UNC5D: variants seen among roughly 807,000 people sequenced by gnomAD.
UNC5D encodes unc-5 netrin receptor D.
A neutral mutation model predicts 105.4 loss-of-function variants in UNC5D; 39 were observed. The ratio of observed to expected loss-of-function variants is 0.37; its 90% CI spans 0.29 to 0.48. UNC5D has a LOEUF of 0.48. Among genes scored for constraint, UNC5D ranks in the 20% least tolerant of loss-of-function variants. UNC5D has a pLI of 0.98. For missense variants in UNC5D, 991 were observed against 1,202.4 expected, an observed-to-expected ratio of 0.82 and a Z score of 2.60; for synonymous variants, 452 against 450.4, an observed-to-expected ratio of 1.00 and a Z score of -0.04.
intron 16 of UNC5D, among the ~76,000 whole-genome samples, chr8:35,781,911 G>C (rs972717155): frequency 6.6e-6 from 1 of 152,166 alleles, no homozygotes; most frequent in Non-Finnish European, 1.5e-5. Flanking sequence ...TAGGTAAAAG[G>C]ATAATGATGA....
At chr8:35,355,794 G>C (rs1303496598) in intron 1 of UNC5D, among the ~76,000 whole-genome samples, 1 of 152,092 alleles carries the variant, frequency 6.6e-6, no homozygotes, top group African/African-American at 2.4e-5. Flanking sequence ...TAAAAGGGCT[G>C]GATGGAACTA....
intron 1 of UNC5D, among the ~76,000 whole-genome samples, chr8:35,519,549 C>T (rs1813323102): frequency 6.6e-6 from 1 of 151,930 alleles, no homozygotes; most frequent in Non-Finnish European, 1.5e-5. Context: ...ATTAAGAGCA[C>T]AGGGTGGGGG....
At chr8:35,743,280 A>T (rs953956152) in intron 11 of UNC5D, among the ~76,000 whole-genome samples, 1 of 151,520 alleles carries the variant, frequency 6.6e-6, no homozygotes, top group African/African-American at 2.4e-5. Flanking sequence ...TTATTTATTT[A>T]TTTTTTTGAG....
chr8:35,748,144 G>A (rs1830093231), intron 11 of UNC5D, among the ~76,000 whole-genome samples: 1 of 152,204 alleles, frequency 6.6e-6, no homozygotes, highest in South Asian at 2.1e-4. Context: ...GTAATGAGAT[G>A]ACCAGACCAG....
rs941080067 is a variant in UNC5D at position 35,528,450 on chromosome 8, T to A, written c.104-20842T>A. On this transcript the variant is annotated intron_variant, in intron 1 of 16. Coordinates refer to ENST00000404895, the MANE Select transcript of UNC5D (RefSeq NM_080872.4). ...TTTTCTTAATCCAGTCTATCATTGT[T>A]GGACATTTGGGTTGGTTCCAAGTCT... Among the ~76,000 whole-genome samples, 36 of 148,908 alleles carry A rather than the reference T, an allele frequency of 2.4e-4. 1 individual carries two copies. The highest frequency in any genetic ancestry group is 9.0e-4 in the African/African-American group (36 of 40,100).
chr8:35,424,491 T>A (rs1238411301), intron 1 of UNC5D, among the ~76,000 whole-genome samples: 11 of 152,218 alleles, frequency 7.2e-5, no homozygotes, highest in South Asian at 2.1e-4. Flanking sequence ...ACAAAGCAGA[T>A]CCAGGCTGTC....
chr8:35,513,162 C>T (rs1434192953), intron 1 of UNC5D, among the ~76,000 whole-genome samples: 2 of 151,974 alleles, frequency 1.3e-5, no homozygotes, highest in Non-Finnish European at 2.9e-5. Context: ...ACATGTTCTT[C>T]CCAAAATAAC....
At chr8:35,728,069 T>C (rs1476933029) in intron 10 of UNC5D, among the ~76,000 whole-genome samples, 1 of 65,110 alleles carries the variant, frequency 1.5e-5, no homozygotes, top group African/African-American at 7.6e-5. Context: ...AGTTGCTGTC[T>C]CTAAAAAAAA....
At chr8:35,544,963 T>A (rs1815542884) in intron 1 of UNC5D, among the ~76,000 whole-genome samples, 1 of 152,118 alleles carries the variant, frequency 6.6e-6, no homozygotes, top group South Asian at 2.1e-4. Flanking sequence ...TTACGACTCA[T>A]GTGCTAAACC....
chr8:35,473,443 G>T (rs564929016), intron 1 of UNC5D, among the ~76,000 whole-genome samples: 1 of 152,152 alleles, frequency 6.6e-6, no homozygotes, highest in African/African-American at 2.4e-5. Flanking sequence ...GTGGAATGGT[G>T]AGCAAATCCC....
intron 3 of UNC5D, among the ~76,000 whole-genome samples, chr8:35,581,101 CCT>C: frequency 6.6e-6 from 1 of 152,240 alleles, no homozygotes; most frequent in Non-Finnish European, 1.5e-5. Context: ...CCTTTAGAAT[CCT>C]CATCTCTGGA....
At chr8:35,417,984 G>A (rs191969098) in intron 1 of UNC5D, among the ~76,000 whole-genome samples, 22 of 152,236 alleles carry the variant, frequency 1.4e-4, no homozygotes, top group African/African-American at 5.3e-4. Flanking sequence ...CAACTCTGCT[G>A]AACAGTGCTT....
chr8:35,688,115 G>C (rs953540092), intron 7 of UNC5D, among the ~76,000 whole-genome samples: 2 of 151,472 alleles, frequency 1.3e-5, no homozygotes, highest in African/African-American at 4.9e-5. Flanking sequence ...CTGGGTGACA[G>C]AGCGAGACTC....
At chr8:35,661,562 G>A (rs1824105700) in intron 4 of UNC5D, among the ~76,000 whole-genome samples, 1 of 152,120 alleles carries the variant, frequency 6.6e-6, no homozygotes, top group Non-Finnish European at 1.5e-5. Flanking sequence ...TAGACTTAAT[G>A]CCGGTTTCCT....
chr8:35,726,356 G>C lies in UNC5D; in HGVS notation c.1508G>C (p.Gly503Ala). The part of the protein sequence containing the change: ...LGVSERAEYH[G>A]KNHSRTFPHG... ...GTGTCTGAGAGAGCTGAGTACCACG[G>C]CAAGAATCATTCCAGGACTTTTCCC... The change falls in exon 10 of 17, where the codon GGC becomes GCC. Residue 503 changes from glycine to alanine, a missense_variant. Physicochemically the swap from Gly to Ala is moderately conservative, Grantham distance 60. This residue lies in a region of UNC5D where 944 missense variants were observed against 1,131.6 expected (regional missense o/e 0.83). Transcript: ENST00000404895. 1 of 1,614,132 alleles carries C rather than the reference G, an allele frequency of 6.2e-7. No individual in the cohort carries two copies. Among genetic ancestry groups the C allele is most frequent in the Non-Finnish European group, 8.5e-7 (1 of 1,180,016 alleles).
chr8:35,676,269 G>T (rs1196941752), intron 4 of UNC5D, among the ~76,000 whole-genome samples: 1 of 152,172 alleles, frequency 6.6e-6, no homozygotes, highest in African/African-American at 2.4e-5. Flanking sequence ...CTATGCTAAT[G>T]AATGCTGGCG....
Position 35,683,692 on chromosome 8 carries a change from A to G in UNC5D, c.716A>G (p.Lys239Arg), listed in dbSNP as rs750422505. 8 of 1,557,106 alleles carry G rather than the reference A, an allele frequency of 5.1e-6. No homozygotes were observed. Among genetic ancestry groups the G allele is most frequent in the Non-Finnish European group, 6.9e-6 (8 of 1,160,766 alleles). Residue 239 changes from lysine to arginine, a missense_variant, in exon 5 of 17, where the codon AAG becomes AGG. Physicochemically the swap from Lys to Arg is conservative, Grantham distance 26. This residue lies in a region of UNC5D where 944 missense variants were observed against 1,131.6 expected (regional missense o/e 0.83). Transcript: ENST00000404895. ...TGCATGGCAGCCAACATCGTGGCTA[A>G]GAGGAGAAGCCTGTCGGCCACTGTT... is the stretch of plus-strand genomic sequence containing the variant. ...YTCMAANIVA[K>R]RRSLSATVVV...
At chr8:35,264,838 G>T (rs1021017877) in intron 1 of UNC5D, among the ~76,000 whole-genome samples, 3 of 152,072 alleles carry the variant, frequency 2.0e-5, no homozygotes, top group African/African-American at 7.2e-5. Flanking sequence ...GCCATCCTGT[G>T]TACCTGAGAT....
intron 16 of UNC5D, among the ~76,000 whole-genome samples, chr8:35,783,875 A>G (rs191890009): frequency 7.1e-4 from 108 of 152,304 alleles, no homozygotes; most frequent in African/African-American, 1.9e-3. Flanking sequence ...TATACCTCCA[A>G]AAAAGAAAAC....
Sources: allele counts gnomAD v4.1 joint callset (sites outside exome capture counted in the v4.1 genomes callset), GRCh38; gene constraint gnomAD v4.1.1; regional missense constraint gnomAD v4.1.1; transcripts MANE v1.5; gene names NCBI Gene and HGNC (gene_info 2026-07-23, HGNC 2026-07-21).